WDR35: variants seen among roughly 807,000 people sequenced by gnomAD.
The protein encoded by WDR35 is WD repeat domain 35, also known as WD repeat-containing protein 35.
In WDR35, 118 loss-of-function variants were observed where a neutral mutation model predicts 158.3. The observed-to-expected ratio is 0.75, with a 90% CI of 0.64 to 0.87. The LOEUF is 0.87. Ranked by LOEUF, WDR35 falls within the 40% of genes least tolerant of loss-of-function variation. The probability of loss-of-function intolerance (pLI) is 0.00; values close to 1 mark genes in which losing one functional copy is unlikely to be tolerated. For missense variants in WDR35, 1,263 were observed against 1,405.8 expected (o/e 0.90, Z 1.62); for synonymous variants, 448 against 476.1 (o/e 0.94, Z 0.77).
chr2:19,916,493 G>A lies in WDR35; in HGVS notation c.3122-2216C>T, dbSNP rs565309268. ...CAGTAAGCTCAAGATCCACTGGCTT[G>A]AAAGTCTCATGGTTAGCACAGCAGT... On this transcript the variant is annotated intron_variant, in intron 25 of 26. Coordinates refer to ENST00000281405, the MANE Select transcript of WDR35 (RefSeq NM_020779.4). Among the ~76,000 whole-genome samples, 82 of 152,350 alleles carry A rather than the reference G, an allele frequency of 5.4e-4. No individual in the cohort carries two copies. The South Asian group carries it at 0.016, about 29-fold the overall frequency.
At chr2:19,946,612 T>C (rs375685143) in intron 14 of WDR35, 42 bp from the exon 15 acceptor site, 7 of 1,541,238 alleles carry the variant, frequency 4.5e-6, no homozygotes, top group Admixed American at 3.3e-5. Context: ...ACGTGTATCA[T>C]AATAATATTA....
intron 3 of WDR35, 52 bp from the exon 4 acceptor site, chr2:19,980,835 A>C (rs753893573): frequency 6.6e-7 from 1 of 1,520,470 alleles, no homozygotes; most frequent in Non-Finnish European, 9.1e-7. Context: ...TTAATTTCAA[A>C]TTCACATTTT....
chr2:19,975,799 TATTTAC>T, intron 5 of WDR35, 136 bp from the exon 6 acceptor site: 2 of 1,160,550 alleles, frequency 1.7e-6, no homozygotes, highest in Non-Finnish European at 2.5e-6. Context: ...GGCCAATAAA[TATTTAC>T]TGAGCACCTA....
intron 16 of WDR35, among the ~76,000 whole-genome samples, chr2:19,944,908 C>T (rs1456771891): frequency 6.6e-6 from 1 of 152,102 alleles, no homozygotes; most frequent in Non-Finnish European, 1.5e-5. Flanking sequence ...AAGAAGGAAG[C>T]TATACATGCA....
rs746059660 is a variant in WDR35, at chr2:19,950,539, A to C, written c.1470+876T>G. On this transcript the variant is annotated intron_variant, in intron 13 of 26. Coordinates refer to ENST00000281405, the MANE Select transcript of WDR35 (RefSeq NM_020779.4). Reference sequence around the variant, plus strand: ...GATGGCATCTATTTTAATTTATGTGAGGGTACAGGAGAAAAGCTGGTTGAT... The same window carrying C: ...GATGGCATCTATTTTAATTTATGTGCGGGTACAGGAGAAAAGCTGGTTGAT... Among the ~76,000 whole-genome samples, 14 of 152,314 alleles carry C rather than the reference A, an allele frequency of 9.2e-5. No individual in the cohort carries two copies. The Middle Eastern group carries it at 0.017, about 185-fold the overall frequency.
At position 19,948,185 on chromosome 2, in the gene WDR35, T is replaced by C. The variant is rs927237629; in HGVS notation, c.1503A>G (p.Ala501=). ...TTACCACAATCAATATCTTATCTGA[T>C]GCAGTTATGGCACAAATTGGATCCC... ...GTRDPICAIT[A]SDKILIVGRE... Residue 501 remains alanine, a synonymous_variant, in exon 14 of 27, where the codon GCA becomes GCG. Transcript: ENST00000281405. The C allele has an allele frequency of 2.5e-6, 4 of 1,609,614 alleles. No individual in the cohort carries two copies. The African/African-American group carries it at 4.0e-5, about 16-fold the overall frequency.
chr2:19,934,057 CA>C lies in WDR35; in HGVS notation c.2548-547del. ...CCACCACCACCACCACCACCACCACCACCACCACCACCACCACAAAAAAAAA... is the reference window on the plus strand; with the variant it reads ...CCACCACCACCACCACCACCACCACCCCACCACCACCACCACAAAAAAAAA... On this transcript the variant is annotated intron_variant, in intron 21 of 26. Transcript: ENST00000281405. This position sits in a 1 kb window ranked among gnomAD's most constrained non-coding sequence, Gnocchi z 4.6. 6.7e-6 allele frequency among the ~76,000 whole-genome samples: 1 copy of C among 150,180 alleles called. No individual in the cohort carries two copies. Among genetic ancestry groups the C allele is most frequent in the Non-Finnish European group, 1.5e-5 (1 of 67,258 alleles).
At chr2:19,940,649 TG>T (rs1670843306) in intron 17 of WDR35, among the ~76,000 whole-genome samples, 1 of 152,158 alleles carries the variant, frequency 6.6e-6, no homozygotes, top group South Asian at 2.1e-4. Flanking sequence ...CTGCCTCACA[TG>T]GGGCAAGCTA....
chr2:19,984,745 C>T (rs1458333553), intron 2 of WDR35, among the ~76,000 whole-genome samples: 1 of 152,230 alleles, frequency 6.6e-6, no homozygotes, highest in Non-Finnish European at 1.5e-5. Context: ...GAATCTTTCT[C>T]TTAGAAAAGC....
intron 9 of WDR35, 57 bp from the exon 10 acceptor site, chr2:19,966,966 G>A: frequency 3.9e-6 from 6 of 1,542,944 alleles, no homozygotes; most frequent in Non-Finnish European, 5.4e-6. Flanking sequence ...GAATTATTTA[G>A]TATTGGGAAG....
chr2:19,949,125 G>A (rs1558339570), intron 13 of WDR35, among the ~76,000 whole-genome samples: 1 of 152,144 alleles, frequency 6.6e-6, no homozygotes, highest in Non-Finnish European at 1.5e-5. Context: ...AGAAAGCTGA[G>A]TGAAGGGACT....
intron 5 of WDR35, among the ~76,000 whole-genome samples, chr2:19,977,527 T>C (rs183338839): frequency 2.6e-5 from 4 of 152,356 alleles, no homozygotes; most frequent in Admixed American, 2.0e-4. Flanking sequence ...TGTCATTACC[T>C]GGATGGCTAC....
chr2:19,985,453 T>C (rs1169877166), intron 2 of WDR35, among the ~76,000 whole-genome samples: 4 of 151,162 alleles, frequency 2.6e-5, no homozygotes, highest in African/African-American at 9.7e-5. Context: ...ACCATCATCC[T>C]CAAACCCTAC....
Position 19,935,560 on chromosome 2 carries a change from G to A in WDR35, c.2458C>T (p.Arg820Cys), listed in dbSNP as rs141190788. 139 of 1,612,932 alleles carry A rather than the reference G, an allele frequency of 8.6e-5. No individual in the cohort carries two copies. Among genetic ancestry groups the A allele is most frequent in the African/African-American group, 6.8e-4 (51 of 74,984 alleles). The change falls in exon 21 of 27, where the codon CGC (arginine) becomes TGC (cysteine). Residue 820 changes from arginine (R) to cysteine (C), a missense_variant. Arg to Cys is a radical substitution (Grantham distance 180). Transcript: ENST00000281405. ...AACATATAGTAACATTCAGCTAAGC[G>A]TTCCTGGTTCCGTCCTTGTACATAA... ...QYYVQGRNQERLAECYYMLED... is the reference protein window; with the variant it reads ...QYYVQGRNQECLAECYYMLED...
intron 6 of WDR35, 77 bp from the exon 7 acceptor site, chr2:19,974,710 G>A (rs1446381912): frequency 3.6e-6 from 5 of 1,382,272 alleles, no homozygotes; most frequent in Non-Finnish European, 4.9e-6. Context: ...ATAGAGTATT[G>A]TAGAAAGAAC....
chr2:19,969,738 T>G, intron 8 of WDR35, 133 bp from the exon 9 acceptor site: 5 of 1,014,684 alleles, frequency 4.9e-6, no homozygotes, highest in Non-Finnish European at 7.0e-6. Context: ...TTTAAAATCA[T>G]GTTTCTTGAA....
In WDR35 at chr2:19,989,974, G is replaced by T; in HGVS notation, c.24+18C>A. 1 of 1,613,580 alleles carries T rather than the reference G, an allele frequency of 6.2e-7. No individual in the cohort carries two copies. ...GCGGGAATGGCGGAGAAACGAGGAC[G>T]CCCCCCAGGAAACTCACTTTCTTGC... On this transcript the variant is annotated intron_variant, in intron 1 of 26. Transcript: ENST00000281405.
intron 2 of WDR35, among the ~76,000 whole-genome samples, chr2:19,985,899 GAAAAAA>G (rs70939024): frequency 4.2e-5 from 3 of 71,166 alleles, no homozygotes; most frequent in Non-Finnish European, 8.7e-5. Context: ...CCCATCTCGG[GAAAAAA>G]AAAAAAAAAA....
chr2:19,984,223 TATC>T (rs566488599), intron 2 of WDR35, among the ~76,000 whole-genome samples: 191 of 152,218 alleles, frequency 1.3e-3, no homozygotes, highest in African/African-American at 4.4e-3. Flanking sequence ...ATTGAACAAA[TATC>T]ATCCACATCT....
Sources: gnomAD v4.1 joint callset for allele counts (sites outside exome capture counted in the v4.1 genomes callset) on GRCh38, gnomAD v4.1.1 for gene constraint, Gnocchi (gnomAD v3.1) non-coding constraint, MANE v1.5 for transcripts, NCBI Gene and HGNC (gene_info 2026-07-23, HGNC 2026-07-21) for gene names.